The following ARHGAP35 variants were observed in gnomAD, a reference collection of about 807,000 sequenced individuals.
ARHGAP35 encodes the protein Rho GTPase activating protein 35.
Under a neutral mutation model 111.1 loss-of-function variants are expected in ARHGAP35, and 15 were observed. That is an observed-to-expected ratio of 0.13 (90% CI 0.09 to 0.21). The LOEUF is 0.21. Among genes scored for constraint, ARHGAP35 ranks in the 10% least tolerant of loss-of-function variants. The pLI is 1.00. For missense variants in ARHGAP35, 1,262 were observed against 1,873.0 expected, an observed-to-expected ratio of 0.67 and a Z score of 6.02; for synonymous variants, 643 against 710.3, an observed-to-expected ratio of 0.91 and a Z score of 1.51.
intron 2 of ARHGAP35, among the ~76,000 whole-genome samples, chr19:46,936,197 G>T (rs1307135558): frequency 6.6e-6 from 1 of 152,086 alleles, no homozygotes; most frequent in African/African-American, 2.4e-5. Flanking sequence ...AGCTGTGGTT[G>T]TGCCACTGTA....
chr19:46,915,436 G>C (rs186896478), intron 1 of ARHGAP35, among the ~76,000 whole-genome samples: 100 of 152,248 alleles, frequency 6.6e-4, no homozygotes, highest in African/African-American at 2.3e-3. Context: ...TTGGCTTTCT[G>C]GGATATCAGA....
Position 46,993,680 on chromosome 19 carries a change from C to G in ARHGAP35, c.4036+4005C>G, listed in dbSNP as rs2056691408. On this transcript the variant is annotated intron_variant, in intron 5 of 6. Transcript: ENST00000672722. This position sits in a 1 kb window ranked among gnomAD's most constrained non-coding sequence, Gnocchi z 4.6. Reference sequence around the variant, plus strand: ...CTTGGTTCAACTGGCCCAAAAATGCCTCCCTTGGACGTTTCTTGTTGTCTC... The same window carrying G: ...CTTGGTTCAACTGGCCCAAAAATGCGTCCCTTGGACGTTTCTTGTTGTCTC... Among the ~76,000 whole-genome samples the G allele has an allele frequency of 6.6e-6, 1 of 152,156 alleles. No individual in the cohort carries two copies. Among genetic ancestry groups the G allele is most frequent in the African/African-American group, 2.4e-5 (1 of 41,430 alleles).
Position 46,918,656 on chromosome 19 carries a change from C to G in ARHGAP35, c.-20C>G, listed in dbSNP as rs531331148. On this transcript the variant is annotated 5_prime_UTR_variant, in exon 2 of 7. It adds an upstream start codon to the 5' untranslated region. Coordinates refer to ENST00000672722, the MANE Select transcript of ARHGAP35 (RefSeq NM_004491.5). This position sits in a 1 kb window ranked among gnomAD's most constrained non-coding sequence, Gnocchi z 5.4. The stretch of plus-strand genomic sequence containing the variant: ...TAATCTGATCTCAGAAGTGGCTGAT[C>G]GTGGCAGGATGTGTCGACGATGATG... 21 of 1,600,432 alleles carry G rather than the reference C, an allele frequency of 1.3e-5. No homozygotes were observed. Among genetic ancestry groups the G allele is most frequent in the Non-Finnish European group, 9.4e-6 (11 of 1,171,668 alleles).
intron 3 of ARHGAP35, among the ~76,000 whole-genome samples, chr19:46,953,461 C>G (rs2056423345): frequency 6.6e-6 from 1 of 152,076 alleles, no homozygotes; most frequent in African/African-American, 2.4e-5. Context: ...TGGGAAAGAG[C>G]TTGGTTTTTA....
intron 3 of ARHGAP35, among the ~76,000 whole-genome samples, chr19:46,984,241 T>C (rs893669425): frequency 1.3e-5 from 2 of 152,144 alleles, no homozygotes; most frequent in Non-Finnish European, 2.9e-5. Context: ...GCAGTAGACA[T>C]GGTGGGTGGA....
At chr19:46,971,887 C>G (rs2056551966) in intron 3 of ARHGAP35, among the ~76,000 whole-genome samples, 2 of 152,232 alleles carry the variant, frequency 1.3e-5, no homozygotes, top group South Asian at 4.1e-4. Flanking sequence ...GAAATAACTC[C>G]CAATGTTAAG....
intron 1 of ARHGAP35, among the ~76,000 whole-genome samples, chr19:46,903,764 C>T (rs2056092373): frequency 6.6e-6 from 1 of 152,128 alleles, no homozygotes; most frequent in Non-Finnish European, 1.5e-5. Context: ...CTATTTTGGT[C>T]TCTTATCTAA....
chr19:46,983,801 G>C (rs1376364470), intron 3 of ARHGAP35, among the ~76,000 whole-genome samples: 2 of 151,740 alleles, frequency 1.3e-5, no homozygotes, highest in East Asian at 3.9e-4. Context: ...ATTTTTAGTA[G>C]AGACGGGGTT....
In ARHGAP35 at chr19:47,001,357, GCAAA is replaced by G; in HGVS notation, c.*674_*677del. 3 of 1,290,120 alleles carry G rather than the reference GCAAA, an allele frequency of 2.3e-6. No individual in the cohort carries two copies. The highest frequency in any genetic ancestry group is 3.0e-5 in the African/African-American group (2 of 65,960). 79.9% of individuals were successfully genotyped at this position (1,290,120 alleles called of 1,614,324 possible). A position where few individuals can be genotyped will look rare whatever the true frequency, so the allele number is the denominator to read the frequency against. ...CACAGCCTTCCCGAAACATTCCCTG[GCAAA>G]CAAAGGAACACTAGGAGAAAAAATG... On this transcript the variant is annotated 3_prime_UTR_variant, in exon 7 of 7. Coordinates refer to ENST00000672722, the MANE Select transcript of ARHGAP35 (RefSeq NM_004491.5). This position sits in a 1 kb window ranked among gnomAD's most constrained non-coding sequence, Gnocchi z 5.4.
intron 2 of ARHGAP35, among the ~76,000 whole-genome samples, chr19:46,936,041 A>C (rs1465540984): frequency 6.6e-6 from 1 of 152,128 alleles, no homozygotes; most frequent in Non-Finnish European, 1.5e-5. Context: ...GTTTAAAAGA[A>C]ATAATATTTG....
rs1371210232 is a variant in ARHGAP35 at position 46,959,040 on chromosome 19, ATAAAT to A, written c.3826+21634_3826+21638del. On this transcript the variant is annotated intron_variant, in intron 3 of 6. Coordinates refer to ENST00000672722, the MANE Select transcript of ARHGAP35 (RefSeq NM_004491.5). ...TTTAAACGAAGTACAGTTAAGTAAA[ATAAAT>A]TTAGCATTCTGGAAAATCTCCTTTT... Among the ~76,000 whole-genome samples, 5 of 151,500 alleles carry A rather than the reference ATAAAT, an allele frequency of 3.3e-5. No homozygotes were observed. In the East Asian group the frequency reaches 9.6e-4, roughly 29 times the overall value.
intron 3 of ARHGAP35, among the ~76,000 whole-genome samples, chr19:46,961,142 G>T (rs1157764484): frequency 6.6e-6 from 1 of 152,022 alleles, no homozygotes; most frequent in Admixed American, 6.6e-5. Flanking sequence ...TGATCCGCCC[G>T]CCTCAGCCTC....
intron 1 of ARHGAP35, among the ~76,000 whole-genome samples, chr19:46,876,745 C>T (rs1391302155): frequency 6.6e-6 from 1 of 152,038 alleles, no homozygotes; most frequent in Non-Finnish European, 1.5e-5. Flanking sequence ...AGACTCAAGC[C>T]TCCCTTTTCA....
At chr19:46,990,766 C>T (rs2056675434) in intron 5 of ARHGAP35, among the ~76,000 whole-genome samples, 1 of 152,204 alleles carries the variant, frequency 6.6e-6, no homozygotes, top group African/African-American at 2.4e-5. Context: ...GTCACTGACT[C>T]TTAGTAGCAT....
At position 46,873,072 on chromosome 19, in the gene ARHGAP35, A is replaced by G. The variant is rs190976335; in HGVS notation, c.-189+11863A>G. 5.7e-4 allele frequency among the ~76,000 whole-genome samples: 87 copies of G among 152,270 alleles called. 2 individuals are homozygous for G. Among genetic ancestry groups the G allele is most frequent in the Admixed American group, 2.6e-3 (39 of 15,288 alleles). ...GGGACTTGCCCAAGGCCACATGGCT[A>G]GTAGGTCCCCAAAGCAGTCTGGCCC... On this transcript the variant is annotated intron_variant, in intron 1 of 6. Transcript: ENST00000672722.
intron 1 of ARHGAP35, among the ~76,000 whole-genome samples, chr19:46,862,773 C>CT (rs1315797207): frequency 1.2e-4 from 18 of 152,244 alleles, no homozygotes; most frequent in Non-Finnish European, 1.8e-4. Context: ...CCTCCCGAGT[C>CT]TTTTAAGTTT....
At chr19:46,956,518 C>G (rs936710403) in intron 3 of ARHGAP35, among the ~76,000 whole-genome samples, 2 of 151,342 alleles carry the variant, frequency 1.3e-5, no homozygotes, top group Non-Finnish European at 2.9e-5. Context: ...CTCCCATGTT[C>G]AAGCAATTCT....
At chr19:46,966,479 G>A (rs979023613) in intron 3 of ARHGAP35, among the ~76,000 whole-genome samples, 1 of 152,148 alleles carries the variant, frequency 6.6e-6, no homozygotes, top group African/African-American at 2.4e-5. Context: ...AGCGTGGGAG[G>A]TTGAAGCCAT....
rs187896536 is a variant in ARHGAP35, at chr19:46,917,957, G to A, written c.-188-531G>A. 1.6e-3 allele frequency among the ~76,000 whole-genome samples: 251 copies of A among 152,234 alleles called. 3 individuals carry two copies. In the Middle Eastern group the frequency reaches 0.024, roughly 14 times the overall value. The stretch of plus-strand genomic sequence containing the variant: ...TTGAACTCCTGACCTCAGGTGATCC[G>A]CCCACCATGGCCTCCCAAAGTTCTG... On this transcript the variant is annotated intron_variant, in intron 1 of 6. Coordinates refer to ENST00000672722, the MANE Select transcript of ARHGAP35 (RefSeq NM_004491.5).
Sources: allele counts gnomAD v4.1 joint callset (sites outside exome capture counted in the v4.1 genomes callset), GRCh38; gene constraint gnomAD v4.1.1; non-coding constraint Gnocchi (gnomAD v3.1); transcripts MANE v1.5; gene names NCBI Gene and HGNC (gene_info 2026-07-23, HGNC 2026-07-21).